Variants in ULK1 observed in about 807,000 individuals in gnomAD.
ULK1 encodes serine/threonine-protein kinase ULK1.
Under a neutral mutation model 117.5 loss-of-function variants are expected in ULK1, and 48 were observed. The observed-to-expected ratio is 0.41, with a 90% confidence interval of 0.32 to 0.52. The LOEUF is 0.52. Among genes scored for constraint, ULK1 ranks in the 20% least tolerant of loss-of-function variants. ULK1 has a pLI of 0.29. For missense variants in ULK1, 1,387 were observed against 1,473.4 expected, an observed-to-expected ratio of 0.94 and a Z score of 0.96; for synonymous variants, 790 against 637.8, an observed-to-expected ratio of 1.24 and a Z score of -3.60.
intron 26 of ULK1, chr12:131,920,802 C>A: frequency 2.5e-6 from 1 of 402,542 alleles, no homozygotes; most frequent in South Asian, 6.6e-5. Flanking sequence ...TCCTGCCCCC[C>A]TTCCCGCCCA....
chr12:131,920,785 G>A, intron 26 of ULK1: 1 of 373,258 alleles, frequency 2.7e-6, no homozygotes, highest in Non-Finnish European at 4.9e-6. Context: ...GGAAAAGTCA[G>A]CCTCCCTCCT....
intron 25 of ULK1, 142 bp from the exon 26 acceptor site, chr12:131,919,837 C>A: frequency 7.7e-7 from 1 of 1,302,028 alleles, no homozygotes; most frequent in Non-Finnish European, 1.0e-6. Context: ...CGGAGCCTGG[C>A]CACACCCTCA....
intron 1 of ULK1, 59 bp from the exon 2 acceptor site, chr12:131,895,542 G>A: frequency 6.9e-7 from 1 of 1,458,320 alleles, no homozygotes; most frequent in Non-Finnish European, 9.6e-7. Flanking sequence ...GTGGACTGGG[G>A]TCTGGGGGAG....
chr12:131,918,463 T>A, intron 22 of ULK1, 34 bp from the exon 23 acceptor site: 7 of 1,594,002 alleles, frequency 4.4e-6, no homozygotes, highest in Non-Finnish European at 6.0e-6. Context: ...TGTCTGCTGG[T>A]CCTGGTGTGC....
At chr12:131,919,053 T>TGTGTGGGGTGTCGGGC (rs1890026451) in intron 23 of ULK1, among the ~76,000 whole-genome samples, 159 bp from the exon 24 acceptor site, 2 of 139,540 alleles carry the variant, frequency 1.4e-5, no homozygotes, top group Non-Finnish European at 3.1e-5. Flanking sequence ...GGGTGCAGGG[T>TGTGTGGGGTGTCGGGC]GTGTGGGGTG....
At position 131,919,233 on chromosome 12, in the gene ULK1, CG is replaced by C; in HGVS notation, c.2534del (p.Arg845LeufsTer19). On this transcript the variant is annotated frameshift_variant, in exon 24 of 28. Coordinates refer to ENST00000321867, the MANE Select transcript of ULK1 (RefSeq NM_003565.4). LOFTEE classifies it high-confidence loss of function. ...LMEQEHTEIL[R>X]GLRFTLLFVQ... ...GCAGCAAGAGCACACGGAGATCCTG[CG>C]TGGCCTGCGCTTCACGCTGCTGTTC... 1.9e-6 allele frequency: 3 copies of C among 1,596,586 alleles called. No individual in the cohort carries two copies. Among genetic ancestry groups the C allele is most frequent in the Non-Finnish European group, 2.5e-6 (3 of 1,177,402 alleles).
chr12:131,916,939 G>T lies in ULK1; in HGVS notation c.2073-14G>T. On this transcript the variant is annotated splice_polypyrimidine_tract_variant and intron_variant, in intron 20 of 27. Coordinates refer to ENST00000321867, the MANE Select transcript of ULK1 (RefSeq NM_003565.4). ...TGGGCCGGGCACCCAGCACAGCCCT[G>T]CACACTCCCACAGGTCTTTCAGCAC... The T allele has an allele frequency of 1.2e-6, 2 of 1,606,390 alleles. No homozygotes were observed. The highest frequency in any genetic ancestry group is 8.5e-7 in the Non-Finnish European group (1 of 1,176,452).
chr12:131,913,805 C>T lies in ULK1; in HGVS notation c.1216C>T (p.Pro406Ser). The part of the protein sequence containing the change: ...ESHGRTPSPS[P>S]PCSSSPSPSG... ...CCACGGCCGGACCCCATCTCCATCC[C>T]CACCCTGCAGCAGCTCCCCCAGTCC... is the stretch of plus-strand genomic sequence containing the variant. The change falls in exon 15 of 28, where the codon CCA becomes TCA. Residue 406 changes from proline to serine, a missense_variant. Physicochemically the swap from Pro to Ser is moderately conservative, Grantham distance 74. Around this residue, in one of 4 missense-constraint regions of ULK1, gnomAD observed 260 missense variants for 271.6 expected, o/e 0.96. Coordinates refer to ENST00000321867, the MANE Select transcript of ULK1 (RefSeq NM_003565.4). 6.4e-7 allele frequency: 1 copy of T among 1,573,340 alleles called. No homozygotes were observed. Among genetic ancestry groups the T allele is most frequent in the Non-Finnish European group, 8.6e-7 (1 of 1,158,904 alleles).
chr12:131,917,507 C>A lies in ULK1; in HGVS notation c.2279C>A (p.Pro760Gln), dbSNP rs760194704. ...GTGGTCTTCACCGTGGGCTCTCCCC[C>A]GAGCGGGAGCACGCCCCCCCAGGGC... ...SPVVFTVGSPPSGSTPPQGPR... is the reference protein window; with the variant it reads ...SPVVFTVGSPQSGSTPPQGPR... The change falls in exon 22 of 28, where the codon CCG becomes CAG. Residue 760 changes from proline to glutamine, a missense_variant. Pro to Gln is a moderately conservative substitution (Grantham distance 76). Transcript: ENST00000321867. The A allele has an allele frequency of 2.0e-6, 3 of 1,471,292 alleles. No individual in the cohort carries two copies. The African/African-American group carries it at 4.4e-5, about 21-fold the overall frequency. The allele number at this position is 1,471,292 out of a possible 1,614,324, so 91.1% of individuals were successfully genotyped here.
intron 3 of ULK1, 197 bp from the exon 4 acceptor site, chr12:131,906,695 C>A (rs1889290424): frequency 3.1e-6 from 2 of 652,158 alleles, no homozygotes; most frequent in Admixed American, 2.6e-5. Flanking sequence ...CAGATGGAGA[C>A]CTGGCTGGCC....
intron 17 of ULK1, 29 bp from the exon 18 acceptor site, chr12:131,915,306 G>C (rs1181591995): frequency 6.2e-7 from 1 of 1,612,080 alleles, no homozygotes; most frequent in Non-Finnish European, 8.5e-7. Context: ...GTCCCAGCTG[G>C]ACCCTGACAG....
chr12:131,919,238 C>T lies in ULK1; in HGVS notation c.2538C>T (p.Gly846=). The T allele has an allele frequency of 3.1e-6, 5 of 1,597,062 alleles. No homozygotes were observed. Among genetic ancestry groups the T allele is most frequent in the South Asian group, 1.1e-5 (1 of 90,866 alleles). The change falls in exon 24 of 28, where the codon GGC becomes GGT. Residue 846 remains glycine, a synonymous_variant. Coordinates refer to ENST00000321867, the MANE Select transcript of ULK1 (RefSeq NM_003565.4). ...MEQEHTEILR[G]LRFTLLFVQH... ...AAGAGCACACGGAGATCCTGCGTGG[C>T]CTGCGCTTCACGCTGCTGTTCGTGC... is the stretch of plus-strand genomic sequence containing the variant.
chr12:131,920,880 C>T, intron 26 of ULK1: 1 of 619,434 alleles, frequency 1.6e-6, no homozygotes, highest in Non-Finnish European at 2.7e-6. Context: ...TGGGGCCGGG[C>T]TGAGAGCGCT....
intron 5 of ULK1, 88 bp downstream of exon 5, chr12:131,907,619 CTGGCTCGAGTGGGTCCT>C: frequency 6.6e-7 from 1 of 1,504,212 alleles, no homozygotes; most frequent in Non-Finnish European, 9.0e-7. Context: ...GGGAGGCAGC[CTGGCTCGAGTGGGTCCT>C]TGGCTCATTG....
In ULK1 at chr12:131,916,399, C is replaced by A; in HGVS notation, c.1880C>A (p.Ala627Asp). 6.3e-7 allele frequency: 1 copy of A among 1,578,138 alleles called. No homozygotes were observed. Among genetic ancestry groups the A allele is most frequent in the Non-Finnish European group, 8.6e-7 (1 of 1,161,968 alleles). The part of the protein sequence containing the change: ...LPPILGSPTK[A>D]VPSFDFPKTP... ...TTCACCCCATCTCTGTCCTCCTAGG[C>A]TGTGCCCTCCTTTGACTTCCCGAAG... The change falls in exon 20 of 28, where the codon GCT becomes GAT. Residue 627 changes from alanine (A) to aspartate (D), a missense_variant and splice_region_variant. This residue lies in a region of ULK1 where 900 missense variants were observed against 858.9 expected (regional missense o/e 1.05). Transcript: ENST00000321867.
intron 26 of ULK1, 85 bp downstream of exon 26, chr12:131,920,221 C>T (rs1890091162): frequency 6.6e-7 from 1 of 1,509,296 alleles, no homozygotes; most frequent in South Asian, 1.2e-5. Flanking sequence ...TTGATGCCCA[C>T]AGCGTGGTGA....
chr12:131,910,882 G>T, intron 12 of ULK1, 82 bp downstream of exon 12: 1 of 1,577,044 alleles, frequency 6.3e-7, no homozygotes, highest in Non-Finnish European at 8.6e-7. Flanking sequence ...CCGCGGGGAC[G>T]TGCTGTGACT....
chr12:131,921,188 T>C lies in ULK1; in HGVS notation c.3050T>C (p.Leu1017Pro). The C allele has an allele frequency of 6.2e-7, 1 of 1,606,272 alleles. No individual in the cohort carries two copies. The stretch of plus-strand genomic sequence containing the variant: ...AAGGCCCTGCTGCTCCTGGAGGGGC[T>C]GCAGCACATGCTCTCGGACCAGGCC... Reference protein sequence around the residue: ...YHKALLLLEGLQHMLSDQADI... With the variant: ...YHKALLLLEGPQHMLSDQADI... Residue 1017 changes from leucine (L) to proline (P), a missense_variant, in exon 27 of 28, where the codon CTG becomes CCG. Around this residue, in one of 4 missense-constraint regions of ULK1, gnomAD observed 900 missense variants for 858.9 expected, o/e 1.05. Transcript: ENST00000321867.
intron 3 of ULK1, among the ~76,000 whole-genome samples, chr12:131,901,259 T>C (rs1889075592): frequency 6.6e-6 from 1 of 150,930 alleles, no homozygotes; most frequent in South Asian, 2.1e-4. Context: ...CTTGTGAGGC[T>C]GAGGCAGGAG....
Sources: gnomAD v4.1 joint callset for allele counts (sites outside exome capture counted in the v4.1 genomes callset) on GRCh38, gnomAD v4.1.1 for gene constraint, gnomAD v4.1.1 regional missense constraint, MANE v1.5 for transcripts, NCBI Gene and HGNC (gene_info 2026-07-23, HGNC 2026-07-21) for gene names.